SMYD3: variants seen among roughly 807,000 people sequenced by gnomAD.
SMYD3 encodes the protein SET and MYND domain containing 3.
In SMYD3, 36 loss-of-function variants were observed where a neutral mutation model predicts 57.7. That is an observed-to-expected ratio of 0.62 (90% CI 0.48 to 0.82). The LOEUF (loss-of-function observed/expected upper bound fraction) is 0.82. Ranked by LOEUF, SMYD3 falls within the 40% of genes least tolerant of loss-of-function variation. SMYD3 has a pLI of 0.00. For missense variants in SMYD3, 515 were observed against 538.8 expected (o/e 0.96, Z 0.44); for synonymous variants, 211 against 195.0 (o/e 1.08, Z -0.68).
chr1:246,117,043 C>A (rs576127882), intron 5 of SMYD3, among the ~76,000 whole-genome samples: 96 of 152,310 alleles, frequency 6.3e-4, no homozygotes, highest in African/African-American at 2.2e-3. Flanking sequence ...ACTAGAGCAT[C>A]TGCTTTTCTA....
At chr1:245,897,293 G>C (rs912278087) in intron 8 of SMYD3, among the ~76,000 whole-genome samples, 2 of 152,216 alleles carry the variant, frequency 1.3e-5, no homozygotes, top group African/African-American at 4.8e-5. Flanking sequence ...AAGCTAAAAT[G>C]GGTTCTCTCT....
intron 5 of SMYD3, among the ~76,000 whole-genome samples, chr1:246,318,883 T>G (rs556455536): frequency 6.6e-6 from 1 of 152,216 alleles, no homozygotes; most frequent in African/African-American, 2.4e-5. Flanking sequence ...TGGCATCTGG[T>G]TTTTAACTAT....
chr1:246,201,338 A>G (rs1176866408), intron 5 of SMYD3, among the ~76,000 whole-genome samples: 1 of 152,188 alleles, frequency 6.6e-6, no homozygotes, highest in East Asian at 1.9e-4. Context: ...CATTTTTTAA[A>G]CCAGCGCAAG....
In SMYD3 at chr1:246,415,314, G is replaced by A. The variant is rs531136562; in HGVS notation, c.165-60220C>T. Among the ~76,000 whole-genome samples, 6 of 152,236 alleles carry A rather than the reference G, an allele frequency of 3.9e-5. No homozygotes were observed. In the South Asian group the frequency reaches 1.0e-3, roughly 26 times the overall value. On this transcript the variant is annotated intron_variant, in intron 1 of 11. Transcript: ENST00000490107. Reference sequence around the variant, plus strand: ...AGGACCCAGAGATGCAAAGGGAAAGGCAAGTGTTGTGGGCTCACCCCCCAC... The same window carrying A: ...AGGACCCAGAGATGCAAAGGGAAAGACAAGTGTTGTGGGCTCACCCCCCAC...
chr1:245,851,508 G>C (rs904547323), intron 10 of SMYD3, among the ~76,000 whole-genome samples: 3 of 152,102 alleles, frequency 2.0e-5, no homozygotes, highest in Non-Finnish European at 4.4e-5. Context: ...ACCGGCCAAG[G>C]CATATCTAAA....
chr1:246,302,788 G>A (rs1018911588), intron 5 of SMYD3, among the ~76,000 whole-genome samples: 11 of 152,118 alleles, frequency 7.2e-5, no homozygotes, highest in African/African-American at 2.7e-4. Context: ...ACTGGCAGGA[G>A]TTAATAGCAA....
At chr1:246,479,216 C>T (rs1341316171) in intron 1 of SMYD3, among the ~76,000 whole-genome samples, 3 of 152,178 alleles carry the variant, frequency 2.0e-5, no homozygotes, top group African/African-American at 7.2e-5. Flanking sequence ...TGTCCTCTGT[C>T]CTGGAGCTGG....
chr1:245,845,955 A>G (rs1437153895), intron 10 of SMYD3, among the ~76,000 whole-genome samples: 2 of 152,196 alleles, frequency 1.3e-5, no homozygotes, highest in Non-Finnish European at 2.9e-5. Flanking sequence ...CCAGCACCTC[A>G]TCTCCCTCGG....
chr1:245,805,474 T>C (rs1159660694), intron 10 of SMYD3, among the ~76,000 whole-genome samples: 2 of 152,236 alleles, frequency 1.3e-5, no homozygotes, highest in African/African-American at 4.8e-5. Context: ...TTTTCTGAGC[T>C]GGTTAAACAT....
intron 5 of SMYD3, among the ~76,000 whole-genome samples, chr1:246,115,155 C>T (rs2061323216): frequency 6.6e-6 from 1 of 152,030 alleles, no homozygotes; most frequent in Non-Finnish European, 1.5e-5. Flanking sequence ...AACAAATCTG[C>T]AGAAGGTCAG....
At chr1:246,091,947 C>A (rs1558220572) in intron 5 of SMYD3, among the ~76,000 whole-genome samples, 1 of 152,156 alleles carries the variant, frequency 6.6e-6, no homozygotes, top group Non-Finnish European at 1.5e-5. Context: ...CTGCTGATCA[C>A]CAACAAAACT....
At chr1:246,420,142 TG>T (rs1374675528) in intron 1 of SMYD3, among the ~76,000 whole-genome samples, 1 of 150,270 alleles carries the variant, frequency 6.7e-6, no homozygotes, top group Middle Eastern at 3.2e-3. Context: ...GAGGTTGCAG[TG>T]AGCTGAGATT....
intron 5 of SMYD3, among the ~76,000 whole-genome samples, chr1:246,123,244 C>T (rs371667595): frequency 7.9e-5 from 12 of 152,246 alleles, no homozygotes; most frequent in Middle Eastern, 3.4e-3. Flanking sequence ...ATAATCTAAA[C>T]GGAAGAGCCA....
intron 5 of SMYD3, among the ~76,000 whole-genome samples, chr1:246,081,281 G>A (rs2060633198): frequency 6.6e-6 from 1 of 152,232 alleles, no homozygotes; most frequent in African/African-American, 2.4e-5. Context: ...TTTTCACTCT[G>A]TGGTATCTAA....
chr1:246,506,978 G>GCCCCCCCCACCCCCCCC, intron 1 of SMYD3, 76 bp downstream of exon 1: 5 of 1,174,504 alleles, frequency 4.3e-6, no homozygotes, highest in Non-Finnish European at 5.6e-6. Flanking sequence ...CGCGGCTGCC[G>GCCCCCCCCACCCCCCCC]GCCGCCCGAC....
chr1:245,893,895 CT>C (rs536583670), intron 8 of SMYD3, among the ~76,000 whole-genome samples: 127 of 152,296 alleles, frequency 8.3e-4, no homozygotes, highest in African/African-American at 2.9e-3. Context: ...ATCTGTTACT[CT>C]TATCACTATA....
chr1:246,008,845 T>C (rs2059225312), intron 5 of SMYD3, among the ~76,000 whole-genome samples: 1 of 152,212 alleles, frequency 6.6e-6, no homozygotes, highest in African/African-American at 2.4e-5. Context: ...TAATTCTGTT[T>C]AGGCCTGCAG....
Position 245,787,498 on chromosome 1 carries a change from C to G in SMYD3, c.1077-23349G>C, listed in dbSNP as rs1431896244. 2.0e-5 allele frequency among the ~76,000 whole-genome samples: 3 copies of G among 152,160 alleles called. No individual in the cohort carries two copies. In the East Asian group the frequency reaches 5.8e-4, roughly 29 times the overall value. On this transcript the variant is annotated intron_variant, in intron 10 of 11. Coordinates refer to ENST00000490107, the MANE Select transcript of SMYD3 (RefSeq NM_001167740.2). Reference sequence around the variant, plus strand: ...TCTCTTTCACTTGGGCTGAAGGACTCACCAACGGCCTTCTTAGTGTGGCCT... The same window carrying G: ...TCTCTTTCACTTGGGCTGAAGGACTGACCAACGGCCTTCTTAGTGTGGCCT...
chr1:246,395,726 A>ATGGCT lies in SMYD3; in HGVS notation c.165-40633_165-40632insAGCCA, dbSNP rs398069704. Among the ~76,000 whole-genome samples, 99 of 95,538 alleles carry ATGGCT rather than the reference A, an allele frequency of 1.0e-3. 19 individuals are homozygous for ATGGCT. In the South Asian group the frequency reaches 0.022, roughly 21 times the overall value. 62.7% of individuals were successfully genotyped at this position (95,538 alleles called of 152,430 possible). ...GCTGGACAGGGAAGACGAACACACC[A>ATGGCT]GTCAGACAGGGAAGACGAACCCACC... On this transcript the variant is annotated intron_variant, in intron 1 of 11. Transcript: ENST00000490107.
Sources: allele counts gnomAD v4.1 joint callset (sites outside exome capture counted in the v4.1 genomes callset), GRCh38; gene constraint gnomAD v4.1.1; transcripts MANE v1.5; gene names NCBI Gene and HGNC (gene_info 2026-07-23, HGNC 2026-07-21).